Variants in MALRD1 observed in about 807,000 individuals in gnomAD.
MALRD1 encodes MAM and LDL-receptor class A domain-containing protein 1.
In MALRD1, 247 loss-of-function variants were observed where a neutral mutation model predicts 242.1. That is an observed-to-expected ratio of 1.02 (90% confidence interval 0.92 to 1.13). The LOEUF (loss-of-function observed/expected upper bound fraction) is 1.13. Among genes scored for constraint, MALRD1 ranks in the 50% most tolerant of loss-of-function variants. The probability of loss-of-function intolerance (pLI) is 0.00; values close to 1 mark genes in which losing one functional copy is unlikely to be tolerated. For synonymous variants in MALRD1, 995 were observed against 866.6 expected (o/e 1.15, Z -2.60); for missense variants, 2,989 against 2,533.1 (o/e 1.18, Z -3.86).
At chr10:19,112,802 T>C (rs943098302) in intron 5 of MALRD1, among the ~76,000 whole-genome samples, 2 of 152,172 alleles carry the variant, frequency 1.3e-5, no homozygotes, top group African/African-American at 4.8e-5. Context: ...GCAAATATAT[T>C]TGCTACAGAA....
chr10:19,078,671 AT>A (rs1835392633), intron 2 of MALRD1, among the ~76,000 whole-genome samples: 1 of 151,812 alleles, frequency 6.6e-6, no homozygotes, highest in South Asian at 2.1e-4. Context: ...TTGTGGAAAG[AT>A]TTTTGATTAC....
intron 35 of MALRD1, among the ~76,000 whole-genome samples, chr10:19,615,550 GA>G (rs1317272247): frequency 3.4e-5 from 4 of 115,954 alleles, no homozygotes; most frequent in African/African-American, 8.1e-5. Context: ...AAGAGAGAAA[GA>G]AAAAATAGCA....
At chr10:19,186,476 T>C (rs1194268916) in intron 14 of MALRD1, among the ~76,000 whole-genome samples, 1 of 152,230 alleles carries the variant, frequency 6.6e-6, no homozygotes, top group Non-Finnish European at 1.5e-5. Flanking sequence ...TTGATCAGTC[T>C]TTGCTGCAGA....
chr10:19,719,175 C>CACACACAT (rs1834576118), intron 38 of MALRD1, among the ~76,000 whole-genome samples: 5 of 32,200 alleles, frequency 1.6e-4, no homozygotes, highest in African/African-American at 5.5e-4. Flanking sequence ...TATATACATA[C>CACACACAT]ATATATATAT....
intron 11 of MALRD1, among the ~76,000 whole-genome samples, chr10:19,149,077 C>CATCT (rs10657245): frequency 0.26 from 37,917 of 143,726 alleles, 5,027 homozygotes; most frequent in East Asian, 0.33. Flanking sequence ...TCTATCTGTC[C>CATCT]ATCTATCTAT....
intron 18 of MALRD1, among the ~76,000 whole-genome samples, chr10:19,224,538 G>A (rs563360674): frequency 2.0e-5 from 3 of 152,200 alleles, no homozygotes; most frequent in East Asian, 3.9e-4. Flanking sequence ...TGATCCACTC[G>A]CCTTGGCCTC....
intron 38 of MALRD1, among the ~76,000 whole-genome samples, chr10:19,711,499 A>G (rs2478744): frequency 0.61 from 93,453 of 152,058 alleles, 29,504 homozygotes; most frequent in African/African-American, 0.75. Context: ...AACATATACA[A>G]TCACTTCATA....
rs555217295 is a variant in MALRD1, at chr10:19,610,929, G to T, written c.6070+3027G>T. On this transcript the variant is annotated intron_variant, in intron 35 of 39. Coordinates refer to ENST00000454679, the MANE Select transcript of MALRD1 (RefSeq NM_001142308.3). Reference sequence around the variant, plus strand: ...GTCCCTGACACATAGCAGGCCTTACGTAAATGGTAGTGGTGATGGTGATGG... The same window carrying T: ...GTCCCTGACACATAGCAGGCCTTACTTAAATGGTAGTGGTGATGGTGATGG... Among the ~76,000 whole-genome samples, 3 of 152,050 alleles carry T rather than the reference G, an allele frequency of 2.0e-5. No individual in the cohort carries two copies. In the East Asian group the frequency reaches 5.8e-4, roughly 29 times the overall value.
chr10:19,425,894 C>G (rs1446849690), intron 28 of MALRD1, among the ~76,000 whole-genome samples: 2 of 152,112 alleles, frequency 1.3e-5, no homozygotes, highest in African/African-American at 2.4e-5. Flanking sequence ...GTCTTGCCTC[C>G]TGCCCAAATC....
intron 28 of MALRD1, among the ~76,000 whole-genome samples, chr10:19,410,816 C>T (rs1472054974): frequency 6.6e-6 from 1 of 151,800 alleles, no homozygotes; most frequent in African/African-American, 2.4e-5. Flanking sequence ...TTGGATAGTG[C>T]AGAATATACA....
chr10:19,182,022 A>AT (rs949724886), intron 14 of MALRD1, among the ~76,000 whole-genome samples: 30 of 151,740 alleles, frequency 2.0e-4, no homozygotes, highest in African/African-American at 2.7e-4. Context: ...CTCAGCAGCA[A>AT]TTTTTTTTAT....
intron 20 of MALRD1, 33 bp from the exon 21 acceptor site, chr10:19,282,986 A>G: frequency 6.8e-7 from 1 of 1,469,724 alleles, no homozygotes; most frequent in Middle Eastern, 1.8e-4. Context: ...GCCACTTACT[A>G]GCTCACCTTT....
chr10:19,328,113 A>C (rs2130910675), intron 23 of MALRD1, among the ~76,000 whole-genome samples: 1 of 152,276 alleles, frequency 6.6e-6, no homozygotes. Context: ...TGGGGGGCAC[A>C]GTATTGTGTA....
chr10:19,200,566 C>T (rs1836474653), intron 14 of MALRD1, among the ~76,000 whole-genome samples: 1 of 149,688 alleles, frequency 6.7e-6, no homozygotes, highest in African/African-American at 2.5e-5. Context: ...ACTGAACCAT[C>T]AGAGAAGTTC....
intron 28 of MALRD1, among the ~76,000 whole-genome samples, chr10:19,430,804 C>A (rs1210435397): frequency 6.6e-6 from 1 of 152,080 alleles, no homozygotes; most frequent in Non-Finnish European, 1.5e-5. Flanking sequence ...ATGTATTGAG[C>A]AAGTTAAATA....
chr10:19,137,434 G>A (rs987435088), intron 10 of MALRD1, among the ~76,000 whole-genome samples: 1 of 151,722 alleles, frequency 6.6e-6, no homozygotes, highest in African/African-American at 2.4e-5. Context: ...TGAAACCCCC[G>A]TCTCTACTAA....
chr10:19,713,968 G>C (rs1834261400), intron 38 of MALRD1, among the ~76,000 whole-genome samples: 1 of 152,178 alleles, frequency 6.6e-6, no homozygotes. Flanking sequence ...AAACCTCTAG[G>C]GGGAGCACGC....
chr10:19,285,187 T>C (rs1841045523), intron 21 of MALRD1, among the ~76,000 whole-genome samples: 1 of 145,012 alleles, frequency 6.9e-6, no homozygotes, highest in Non-Finnish European at 1.5e-5. Flanking sequence ...GAAAATTTTC[T>C]CCCATTTTGT....
Position 19,165,752 on chromosome 10 carries a change from G to T in MALRD1, c.1772G>T (p.Trp591Leu). ...GKIIRFSESQ[W>L]SHAKIDLIAE... Reference sequence around the variant, plus strand: ...ATAATCAGATTCTCCGAATCTCAGTGGAGCCACGCAAAAATTGATCTCATT... The same window carrying T: ...ATAATCAGATTCTCCGAATCTCAGTTGAGCCACGCAAAAATTGATCTCATT... Residue 591 changes from tryptophan to leucine, a missense_variant, in exon 13 of 40, where the codon TGG becomes TTG. Trp to Leu is a moderately conservative substitution (Grantham distance 61). Coordinates refer to ENST00000454679, the MANE Select transcript of MALRD1 (RefSeq NM_001142308.3). 1.6e-6 allele frequency: 2 copies of T among 1,231,660 alleles called. No individual in the cohort carries two copies. The highest frequency in any genetic ancestry group is 2.0e-6 in the Non-Finnish European group (2 of 987,956). 76.3% of individuals were successfully genotyped at this position (1,231,660 alleles called of 1,614,324 possible). A position where few individuals can be genotyped will look rare whatever the true frequency, so the allele number is the denominator to read the frequency against.
Sources: allele counts gnomAD v4.1 joint callset (sites outside exome capture counted in the v4.1 genomes callset), GRCh38; gene constraint gnomAD v4.1.1; transcripts MANE v1.5; gene names NCBI Gene and HGNC (gene_info 2026-07-23, HGNC 2026-07-21).